SH3GL3: variants seen among roughly 807,000 people sequenced by gnomAD.
SH3GL3 encodes SH3 domain containing GRB2 like 3, endophilin A3, also known as endophilin-A3.
In SH3GL3, 33 loss-of-function variants were observed where a neutral mutation model predicts 47.7. The observed-to-expected ratio is 0.69, with a 90% confidence interval of 0.52 to 0.92. The LOEUF (loss-of-function observed/expected upper bound fraction) is 0.92, where lower values mean the gene tolerates loss of function less well. Among genes scored for constraint, SH3GL3 ranks in the 40% least tolerant of loss-of-function variants. The pLI is 0.00. For missense variants in SH3GL3, 363 were observed against 417.8 expected, an observed-to-expected ratio of 0.87 and a Z score of 1.14; for synonymous variants, 155 against 148.8, an observed-to-expected ratio of 1.04 and a Z score of -0.30.
chr15:83,509,079 A>G (rs2042637886), intron 1 of SH3GL3, among the ~76,000 whole-genome samples: 1 of 152,256 alleles, frequency 6.6e-6, no homozygotes, highest in Non-Finnish European at 1.5e-5. Context: ...AGCGTGCATT[A>G]AGAAACTACA....
intron 2 of SH3GL3, among the ~76,000 whole-genome samples, chr15:83,560,950 A>G (rs558006615): frequency 3.9e-5 from 6 of 152,196 alleles, no homozygotes; most frequent in Admixed American, 1.3e-4. Context: ...TATAATAGTT[A>G]TGAACCATTC....
intron 1 of SH3GL3, among the ~76,000 whole-genome samples, chr15:83,462,488 C>T (rs2040351473): frequency 6.6e-6 from 1 of 152,192 alleles, no homozygotes; most frequent in Admixed American, 6.5e-5. Context: ...AGAGTTAGCA[C>T]TGTCTGCTTT....
chr15:83,460,655 A>G (rs1443210958), intron 1 of SH3GL3, among the ~76,000 whole-genome samples: 2 of 152,220 alleles, frequency 1.3e-5, no homozygotes, highest in African/African-American at 2.4e-5. Context: ...CATCTTTAAT[A>G]AGTGATGTTC....
In SH3GL3 at chr15:83,618,230, A is replaced by G. The variant is rs747201030; in HGVS notation, c.987A>G (p.Gly329=). 1 of 1,612,286 alleles carries G rather than the reference A, an allele frequency of 6.2e-7. No homozygotes were observed. The highest frequency in any genetic ancestry group is 1.1e-5 in the South Asian group (1 of 91,054). Residue 329 remains glycine, a synonymous_variant, in exon 9 of 9, where the codon GGA becomes GGG. Transcript: ENST00000427482. ...ACTGGTATGAAGGAATGATACACGGAGAATCGGGATTCTTCCCCATTAATT... is the reference window on the plus strand; with the variant it reads ...ACTGGTATGAAGGAATGATACACGGGGAATCGGGATTCTTCCCCATTAATT... ...DENWYEGMIH[G]ESGFFPINYV... is the part of the protein sequence containing the mutation.
intron 4 of SH3GL3, among the ~76,000 whole-genome samples, chr15:83,572,097 A>C (rs2045847402): frequency 6.6e-6 from 1 of 152,200 alleles, no homozygotes; most frequent in East Asian, 1.9e-4. Flanking sequence ...GGATACGGGG[A>C]GTAGCCTTGA....
intron 1 of SH3GL3, among the ~76,000 whole-genome samples, chr15:83,558,880 T>C (rs1469139556): frequency 6.6e-6 from 1 of 152,238 alleles, no homozygotes; most frequent in Non-Finnish European, 1.5e-5. Context: ...GTAATTTGTC[T>C]CTAGTACTAT....
At chr15:83,610,113 A>G (rs1446150570) in intron 8 of SH3GL3, among the ~76,000 whole-genome samples, 2 of 152,198 alleles carry the variant, frequency 1.3e-5, no homozygotes, top group Non-Finnish European at 2.9e-5. Context: ...CGTAGGATTT[A>G]GGTAGAGAAT....
intron 1 of SH3GL3, among the ~76,000 whole-genome samples, chr15:83,521,645 A>G (rs1389674488): frequency 6.6e-6 from 1 of 152,210 alleles, no homozygotes; most frequent in East Asian, 1.9e-4. Flanking sequence ...ATTGCAGAGT[A>G]GAATCACTGA....
intron 1 of SH3GL3, among the ~76,000 whole-genome samples, chr15:83,465,302 T>C (rs2151517523): frequency 6.6e-6 from 1 of 151,958 alleles, no homozygotes; most frequent in South Asian, 2.1e-4. Context: ...AGAGCAAGAC[T>C]CTGTCTCAAA....
At chr15:83,504,591 G>A (rs150581298) in intron 1 of SH3GL3, among the ~76,000 whole-genome samples, 2 of 152,300 alleles carry the variant, frequency 1.3e-5, no homozygotes, top group East Asian at 1.9e-4. Flanking sequence ...GAGAGGCCCC[G>A]GTATCCAGGA....
intron 1 of SH3GL3, among the ~76,000 whole-genome samples, chr15:83,531,052 A>G (rs1446428163): frequency 6.6e-6 from 1 of 152,236 alleles, no homozygotes; most frequent in Non-Finnish European, 1.5e-5. Context: ...AAGTGTCAGT[A>G]CTAGAAATTC....
chr15:83,618,348 C>A lies in SH3GL3; in HGVS notation c.*61C>A. The A allele has an allele frequency of 1.9e-6, 2 of 1,051,390 alleles. No individual in the cohort carries two copies. Among genetic ancestry groups the A allele is most frequent in the South Asian group, 1.3e-5 (1 of 77,996 alleles). The allele number at this position is 1,051,390 out of a possible 1,614,324, so 65.1% of individuals were successfully genotyped here. A position where few individuals can be genotyped will look rare whatever the true frequency, so the allele number is the denominator to read the frequency against. On this transcript the variant is annotated 3_prime_UTR_variant, in exon 9 of 9. Coordinates refer to ENST00000427482, the MANE Select transcript of SH3GL3 (RefSeq NM_003027.5). ...TGAAATGAATTCACACCAGTGTGCT[C>A]TCAGTGCGGTGTTCTGTGACATCCT...
chr15:83,582,786 A>T (rs999482602), intron 6 of SH3GL3, among the ~76,000 whole-genome samples: 4 of 152,206 alleles, frequency 2.6e-5, no homozygotes, highest in African/African-American at 9.7e-5. Flanking sequence ...TGGGAAAATC[A>T]TTTCACCTGA....
chr15:83,575,217 C>T (rs1466327535), intron 5 of SH3GL3, among the ~76,000 whole-genome samples: 1 of 152,130 alleles, frequency 6.6e-6, no homozygotes, highest in Non-Finnish European at 1.5e-5. Flanking sequence ...AAACCAAATG[C>T]CTCCTTTGCT....
intron 8 of SH3GL3, 78 bp from the exon 9 acceptor site, chr15:83,618,004 G>A: frequency 1.0e-6 from 1 of 1,003,104 alleles, no homozygotes; most frequent in South Asian, 1.3e-5. Context: ...GTCTCTCTGA[G>A]CTTTTCCACA....
chr15:83,487,223 T>C lies in SH3GL3; in HGVS notation c.45+39645T>C, dbSNP rs370706639. Among the ~76,000 whole-genome samples the C allele has an allele frequency of 6.6e-3, 1,000 of 151,726 alleles. 9 individuals carry two copies. Among genetic ancestry groups the C allele is most frequent in the Middle Eastern group, 0.031 (9 of 294 alleles). On this transcript the variant is annotated intron_variant, in intron 1 of 8. Coordinates refer to ENST00000427482, the MANE Select transcript of SH3GL3 (RefSeq NM_003027.5). Reference sequence around the variant, plus strand: ...TACCTGTTTTTTTTTTTTTTTTATCTTTCTTGTTCCTTCTTGTTCTTTTCC... The same window carrying C: ...TACCTGTTTTTTTTTTTTTTTTATCCTTCTTGTTCCTTCTTGTTCTTTTCC...
At chr15:83,530,262 T>G (rs1419241192) in intron 1 of SH3GL3, among the ~76,000 whole-genome samples, 2 of 152,096 alleles carry the variant, frequency 1.3e-5, no homozygotes, top group Non-Finnish European at 2.9e-5. Flanking sequence ...TCTAGGCAGC[T>G]CCCTGTGCTA....
the SH3GL3 span, among the ~76,000 whole-genome samples, chr15:83,632,539 C>T: frequency 6.6e-6 from 1 of 152,240 alleles, no homozygotes; most frequent in Non-Finnish European, 1.5e-5. Context: ...AGTTGACTCA[C>T]ATTTCCACAG....
chr15:83,560,122 C>G (rs972725328), intron 2 of SH3GL3, among the ~76,000 whole-genome samples: 17 of 152,130 alleles, frequency 1.1e-4, no homozygotes, highest in Non-Finnish European at 2.1e-4. Context: ...TTAGACCCCC[C>G]ACCCCAGAGG....
Sources: allele counts gnomAD v4.1 joint callset (sites outside exome capture counted in the v4.1 genomes callset), GRCh38; gene constraint gnomAD v4.1.1; transcripts MANE v1.5; gene names NCBI Gene and HGNC (gene_info 2026-07-23, HGNC 2026-07-21).